LSAMP: variants seen among roughly 807,000 people sequenced by gnomAD.
LSAMP encodes limbic system-associated membrane protein.
LSAMP carries 7 observed loss-of-function variants against 38.6 expected under a neutral mutation model. That is an observed-to-expected ratio of 0.18 (90% CI 0.10 to 0.34). The LOEUF (loss-of-function observed/expected upper bound fraction) is 0.34, where lower values mean the gene tolerates loss of function less well. Ranked by LOEUF, LSAMP falls within the 10% of genes least tolerant of loss-of-function variation. LSAMP has a pLI of 1.00. For synonymous variants in LSAMP, 154 were observed against 166.8 expected, an observed-to-expected ratio of 0.92 and a Z score of 0.59; for missense variants, 313 against 420.0, an observed-to-expected ratio of 0.75 and a Z score of 2.23.
intron 3 of LSAMP, among the ~76,000 whole-genome samples, chr3:115,924,055 G>A (rs942257125): frequency 1.3e-5 from 2 of 152,052 alleles, no homozygotes. Flanking sequence ...GAATTGTGTA[G>A]AGCAGTTTTG....
At chr3:116,270,023 C>T (rs757028712) in intron 1 of LSAMP, among the ~76,000 whole-genome samples, 18 of 152,170 alleles carry the variant, frequency 1.2e-4, no homozygotes, top group Admixed American at 6.6e-5. Context: ...ACAAATTTTT[C>T]TAAAATTCTA....
chr3:116,285,653 A>C (rs1487707363), intron 1 of LSAMP, among the ~76,000 whole-genome samples: 1 of 152,164 alleles, frequency 6.6e-6, no homozygotes, highest in African/African-American at 2.4e-5. Flanking sequence ...TCTCATTAGA[A>C]TGTAAAAGTC....
intron 1 of LSAMP, among the ~76,000 whole-genome samples, chr3:116,284,067 G>GA (rs2047163442): frequency 6.6e-6 from 1 of 152,114 alleles, no homozygotes; most frequent in Non-Finnish European, 1.5e-5. Flanking sequence ...ATATAAGTTT[G>GA]TGATTGTTTT....
At chr3:115,980,990 A>T (rs547675212) in intron 3 of LSAMP, among the ~76,000 whole-genome samples, 4 of 152,190 alleles carry the variant, frequency 2.6e-5, no homozygotes, top group East Asian at 1.9e-4. Context: ...AGCTTAGGGG[A>T]GTACTTCCAC....
At chr3:116,017,861 T>C (rs1369555624) in intron 3 of LSAMP, among the ~76,000 whole-genome samples, 1 of 152,180 alleles carries the variant, frequency 6.6e-6, no homozygotes, top group Non-Finnish European at 1.5e-5. Context: ...AGGTGTCTTT[T>C]ATAATATCCT....
At chr3:116,116,609 C>G (rs1020632742) in intron 1 of LSAMP, among the ~76,000 whole-genome samples, 1 of 151,216 alleles carries the variant, frequency 6.6e-6, no homozygotes, top group African/African-American at 2.4e-5. Context: ...CCCAGCTACT[C>G]AGGAGGCTGA....
At chr3:116,377,379 C>G (rs2048507273) in intron 1 of LSAMP, among the ~76,000 whole-genome samples, 1 of 152,042 alleles carries the variant, frequency 6.6e-6, no homozygotes, top group South Asian at 2.1e-4. Flanking sequence ...TGGCTTCCAG[C>G]TCCATACATG....
At chr3:116,339,063 T>G (rs1309342192) in intron 1 of LSAMP, among the ~76,000 whole-genome samples, 1 of 151,992 alleles carries the variant, frequency 6.6e-6, no homozygotes, top group African/African-American at 2.4e-5. Context: ...AAAGGTGATA[T>G]TTATAAAGGT....
chr3:116,229,428 C>T (rs946214537), intron 1 of LSAMP, among the ~76,000 whole-genome samples: 1 of 152,100 alleles, frequency 6.6e-6, no homozygotes, highest in Admixed American at 6.5e-5. Context: ...TGAATAGATA[C>T]AGGCAATTGC....
chr3:116,086,607 G>A (rs774986563), intron 1 of LSAMP, 51 bp from the exon 2 acceptor site: 35 of 1,424,112 alleles, frequency 2.5e-5, no homozygotes, highest in African/African-American at 5.6e-5. Context: ...CTATTTCTGC[G>A]TTTCTTCTCT....
chr3:116,059,082 G>C (rs1941546550), intron 2 of LSAMP, among the ~76,000 whole-genome samples: 2 of 152,100 alleles, frequency 1.3e-5, no homozygotes, highest in South Asian at 4.1e-4. Flanking sequence ...CATAATTATA[G>C]CTGCAAAGTT....
At chr3:116,011,812 C>T (rs1940335452) in intron 3 of LSAMP, among the ~76,000 whole-genome samples, 1 of 152,296 alleles carries the variant, frequency 6.6e-6, no homozygotes, top group East Asian at 1.9e-4. Flanking sequence ...CTGGCTCAGA[C>T]AATTTTTATT....
intron 3 of LSAMP, among the ~76,000 whole-genome samples, chr3:115,881,602 G>C (rs1389182683): frequency 6.6e-6 from 1 of 152,072 alleles, no homozygotes; most frequent in Non-Finnish European, 1.5e-5. Context: ...TTGTGTTCTT[G>C]GACTTGGCGG....
At chr3:115,848,280 C>T (rs183086697) in intron 4 of LSAMP, among the ~76,000 whole-genome samples, 5 of 152,188 alleles carry the variant, frequency 3.3e-5, no homozygotes, top group African/African-American at 7.2e-5. Context: ...AAAAATTAGT[C>T]GGGTATGGTG....
At chr3:116,393,733 C>A (rs2048732579) in intron 1 of LSAMP, among the ~76,000 whole-genome samples, 1 of 152,162 alleles carries the variant, frequency 6.6e-6, no homozygotes, top group African/African-American at 2.4e-5. Flanking sequence ...CTATGATATC[C>A]TTTTAACTTA....
At chr3:115,944,057 G>A (rs993250194) in intron 3 of LSAMP, among the ~76,000 whole-genome samples, 4 of 152,144 alleles carry the variant, frequency 2.6e-5, no homozygotes, top group Non-Finnish European at 5.9e-5. Flanking sequence ...CATTAATGCA[G>A]TTTTCCCACA....
intron 1 of LSAMP, among the ~76,000 whole-genome samples, chr3:116,394,546 C>G (rs964239295): frequency 6.6e-6 from 1 of 152,166 alleles, no homozygotes; most frequent in Non-Finnish European, 1.5e-5. Context: ...AGATGCCAAC[C>G]TGCTATAATT....
chr3:116,397,047 A>G (rs917739863), intron 1 of LSAMP, among the ~76,000 whole-genome samples: 6 of 152,212 alleles, frequency 3.9e-5, no homozygotes, highest in Non-Finnish European at 8.8e-5. Flanking sequence ...TATTCTCAAC[A>G]TAAGAGCCAG....
At chr3:115,996,179 G>A (rs930524541) in intron 3 of LSAMP, among the ~76,000 whole-genome samples, 3 of 151,936 alleles carry the variant, frequency 2.0e-5, no homozygotes, top group African/African-American at 7.3e-5. Flanking sequence ...ATCAATTTGA[G>A]GGACTTAGAA....
Sources: gnomAD v4.1 joint callset for allele counts (sites outside exome capture counted in the v4.1 genomes callset) on GRCh38, gnomAD v4.1.1 for gene constraint, MANE v1.5 for transcripts, NCBI Gene and HGNC (gene_info 2026-07-23, HGNC 2026-07-21) for gene names.